The following KDM4C variants were observed in gnomAD, a reference collection of about 807,000 sequenced individuals.
KDM4C encodes lysine demethylase 4C.
Under a neutral mutation model 129.3 loss-of-function variants are expected in KDM4C, and 81 were observed. The ratio of observed to expected loss-of-function variants is 0.63; its 90% CI spans 0.52 to 0.75. KDM4C has a LOEUF of 0.75. Among genes scored for constraint, KDM4C ranks in the 30% least tolerant of loss-of-function variants. The probability of loss-of-function intolerance (pLI) is 0.00; values close to 1 mark genes in which losing one functional copy is unlikely to be tolerated. For synonymous variants in KDM4C, 573 were observed against 456.1 expected, an observed-to-expected ratio of 1.26 and a Z score of -3.26; for missense variants, 1,457 against 1,304.0, an observed-to-expected ratio of 1.12 and a Z score of -1.81.
chr9:7,021,156 ATT>A (rs1411175299), intron 15 of KDM4C, among the ~76,000 whole-genome samples: 2 of 131,158 alleles, frequency 1.5e-5, no homozygotes, highest in African/African-American at 2.9e-5. Flanking sequence ...ATATATATGT[ATT>A]TTTTTTTTTT....
At chr9:6,952,968 T>C (rs1828446282) in intron 8 of KDM4C, among the ~76,000 whole-genome samples, 1 of 152,192 alleles carries the variant, frequency 6.6e-6, no homozygotes, top group South Asian at 2.1e-4. Context: ...AAATGACTGG[T>C]ACTTGCATTT....
intron 1 of KDM4C, among the ~76,000 whole-genome samples, chr9:6,777,486 A>G (rs897475215): frequency 2.6e-5 from 4 of 152,158 alleles, no homozygotes; most frequent in Non-Finnish European, 4.4e-5. Context: ...TGACAATGTG[A>G]TCTGCCTCAT....
chr9:7,131,032 G>C (rs1435735369), intron 19 of KDM4C, among the ~76,000 whole-genome samples: 1 of 151,844 alleles, frequency 6.6e-6, no homozygotes, highest in Non-Finnish European at 1.5e-5. Flanking sequence ...GCATCCCAAA[G>C]TGCTGGGATT....
At chr9:7,128,887 T>C (rs1459646352) in intron 19 of KDM4C, among the ~76,000 whole-genome samples, 1 of 152,178 alleles carries the variant, frequency 6.6e-6, no homozygotes, top group Non-Finnish European at 1.5e-5. Context: ...GAGGAACTAG[T>C]GAACGTGTGC....
chr9:7,058,453 C>A (rs991638285), intron 17 of KDM4C, among the ~76,000 whole-genome samples: 3 of 152,206 alleles, frequency 2.0e-5, no homozygotes, highest in Non-Finnish European at 4.4e-5. Flanking sequence ...TGTCCAGTTT[C>A]AAACTACCAA....
chr9:7,059,236 A>G (rs993007352), intron 17 of KDM4C, among the ~76,000 whole-genome samples: 1 of 152,064 alleles, frequency 6.6e-6, no homozygotes, highest in African/African-American at 2.4e-5. Context: ...TGCAGCCTGT[A>G]TCTCCTGGGC....
intron 4 of KDM4C, among the ~76,000 whole-genome samples, chr9:6,817,339 C>T: frequency 6.6e-6 from 1 of 151,684 alleles, no homozygotes; most frequent in Non-Finnish European, 1.5e-5. Flanking sequence ...GTAGCTGGGA[C>T]TACCTGCAGG....
chr9:6,952,721 G>T (rs1174264535), intron 8 of KDM4C, among the ~76,000 whole-genome samples: 1 of 152,106 alleles, frequency 6.6e-6, no homozygotes, highest in Non-Finnish European at 1.5e-5. Flanking sequence ...GATTACAGGT[G>T]TGAGCCACTG....
intron 1 of KDM4C, chr9:6,723,400 G>A (rs776814546): frequency 1.3e-5 from 2 of 152,244 alleles, no homozygotes; most frequent in South Asian, 2.1e-4. Context: ...AAAAAAGTTT[G>A]TAGATGCTGA....
intron 1 of KDM4C, among the ~76,000 whole-genome samples, chr9:6,762,778 C>T (rs1368229937): frequency 6.6e-6 from 1 of 151,532 alleles, no homozygotes; most frequent in African/African-American, 2.4e-5. Flanking sequence ...CCTGCCTTAG[C>T]CTCCCAAGTA....
At chr9:6,910,293 T>G (rs1819056642) in intron 8 of KDM4C, among the ~76,000 whole-genome samples, 1 of 152,074 alleles carries the variant, frequency 6.6e-6, no homozygotes. Flanking sequence ...ATGGCTAAAC[T>G]TCATTGAGTC....
At chr9:7,007,494 C>T (rs1181052613) in intron 12 of KDM4C, among the ~76,000 whole-genome samples, 2 of 152,134 alleles carry the variant, frequency 1.3e-5, no homozygotes, top group African/African-American at 2.4e-5. Flanking sequence ...CTCTTGTTTT[C>T]TTTTTGCTTA....
intron 4 of KDM4C, among the ~76,000 whole-genome samples, chr9:6,831,532 G>A (rs1834826321): frequency 6.6e-6 from 1 of 152,036 alleles, no homozygotes; most frequent in South Asian, 2.1e-4. Flanking sequence ...TAGTAGAGAT[G>A]GGGTTTCACC....
chr9:7,029,744 G>T (rs956656043), intron 15 of KDM4C, among the ~76,000 whole-genome samples: 2 of 152,154 alleles, frequency 1.3e-5, no homozygotes, highest in Non-Finnish European at 2.9e-5. Context: ...GATTTTGTTA[G>T]AGTGCCACAA....
At position 7,021,118 on chromosome 9, in the gene KDM4C, A is replaced by ATG. The variant is rs779873328; in HGVS notation, c.2259+5190_2259+5191insGT. 4.6e-3 allele frequency among the ~76,000 whole-genome samples: 599 copies of ATG among 130,046 alleles called. 1 individual carries two copies. The highest frequency in any genetic ancestry group is 6.3e-3 in the Non-Finnish European group (406 of 64,412). The allele number at this position is 130,046 out of a possible 152,430, so 85.3% of individuals were successfully genotyped here. A position where few individuals can be genotyped will look rare whatever the true frequency, so the allele number is the denominator to read the frequency against. ...GTTTGTCATTTGTACATACATATAT[A>ATG]TATGTGTGTGTGTGTGTGTGTGTAT... On this transcript the variant is annotated intron_variant, in intron 15 of 21. Transcript: ENST00000381309.
intron 4 of KDM4C, among the ~76,000 whole-genome samples, chr9:6,830,681 G>A (rs1335261592): frequency 1.3e-5 from 2 of 152,172 alleles, no homozygotes; most frequent in Admixed American, 6.5e-5. Flanking sequence ...AAGGAATAAT[G>A]TGCCTATGTG....
chr9:6,938,855 T>A (rs1288743489), intron 8 of KDM4C, among the ~76,000 whole-genome samples: 1 of 148,622 alleles, frequency 6.7e-6, no homozygotes, highest in Non-Finnish European at 1.5e-5. Flanking sequence ...ACACTAATAA[T>A]AAAATATTAT....
intron 19 of KDM4C, among the ~76,000 whole-genome samples, chr9:7,161,635 A>T (rs889539368): frequency 6.6e-6 from 1 of 152,152 alleles, no homozygotes; most frequent in African/African-American, 2.4e-5. Flanking sequence ...GACAGGCCTC[A>T]CGTGTGGGTG....
chr9:6,896,250 G>A (rs1816412805), intron 8 of KDM4C, among the ~76,000 whole-genome samples: 1 of 152,112 alleles, frequency 6.6e-6, no homozygotes, highest in Admixed American at 6.5e-5. Context: ...GTTCATAAGT[G>A]ATTATGAACA....
Sources: gnomAD v4.1 joint callset for allele counts (sites outside exome capture counted in the v4.1 genomes callset) on GRCh38, gnomAD v4.1.1 for gene constraint, MANE v1.5 for transcripts, NCBI Gene and HGNC (gene_info 2026-07-23, HGNC 2026-07-21) for gene names.